The following PARP2 variants were observed in gnomAD, a reference collection of about 807,000 sequenced individuals.
PARP2 encodes the protein poly [ADP-ribose] polymerase 2.
Under a neutral mutation model 77.8 loss-of-function variants are expected in PARP2, and 57 were observed. That is an observed-to-expected ratio of 0.73 (90% CI 0.59 to 0.91). The LOEUF (loss-of-function observed/expected upper bound fraction) is 0.91. Among genes scored for constraint, PARP2 ranks in the 40% least tolerant of loss-of-function variants. The pLI is 0.00. For synonymous variants in PARP2, 226 were observed against 242.6 expected, an observed-to-expected ratio of 0.93 and a Z score of 0.64; for missense variants, 651 against 689.0, an observed-to-expected ratio of 0.94 and a Z score of 0.62.
In PARP2 at chr14:20,355,735, T is replaced by C; in HGVS notation, c.903-17T>C. ...ACATGTCAGAAAGCTCATTATGGGT[T>C]ATATCTCTGTTCTTAGACTCCGTAC... On this transcript the variant is annotated splice_polypyrimidine_tract_variant and intron_variant, in intron 9 of 15. Transcript: ENST00000429687. 1 of 1,607,894 alleles carries C rather than the reference T, an allele frequency of 6.2e-7. No individual in the cohort carries two copies. Among genetic ancestry groups the C allele is most frequent in the African/African-American group, 1.3e-5 (1 of 74,916 alleles).
rs895459962 is a variant in PARP2 at position 20,357,063 on chromosome 14, A to G, written c.1342A>G (p.Ile448Val). The change falls in exon 14 of 16, where the codon ATC (isoleucine) becomes GTC (valine). Residue 448 changes from isoleucine (I) to valine (V), a missense_variant. Coordinates refer to ENST00000429687, the MANE Select transcript of PARP2 (RefSeq NM_001042618.2). ...GTATATATTTCAGTTTGGGAAAGGA[A>G]TCTACTTTGCTGACATGTCTTCCAA... ...PITGYMFGKG[I>V]YFADMSSKSA... 2.5e-6 allele frequency: 4 copies of G among 1,608,674 alleles called. No homozygotes were observed. Among genetic ancestry groups the G allele is most frequent in the Non-Finnish European group, 2.6e-6 (3 of 1,175,104 alleles).
In PARP2 at chr14:20,354,091, G is replaced by A. The variant is rs1884055726; in HGVS notation, c.607G>A (p.Glu203Lys). The A allele has an allele frequency of 4.3e-6, 7 of 1,611,992 alleles. No individual in the cohort carries two copies. Among genetic ancestry groups the A allele is most frequent in the Admixed American group, 1.7e-5 (1 of 59,962 alleles). Reference protein sequence around the residue: ...MDYATNTQDEEETKKEESLKS... With the variant: ...MDYATNTQDEKETKKEESLKS... Reference sequence around the variant, plus strand: ...TGTTTGTTTTTTGCTATAGGATGAAGAGGAAACAAAGAAAGAGGAATCTCT... The same window carrying A: ...TGTTTGTTTTTTGCTATAGGATGAAAAGGAAACAAAGAAAGAGGAATCTCT... The change falls in exon 8 of 16, where the codon GAG becomes AAG. Residue 203 changes from glutamate to lysine, a missense_variant. By Grantham distance (56) the Glu-to-Lys change is moderately conservative. Transcript: ENST00000429687.
At chr14:20,356,186 G>A (rs747339625) in intron 11 of PARP2, 121 bp from the exon 12 acceptor site, 4 of 1,412,566 alleles carry the variant, frequency 2.8e-6, no homozygotes, top group Non-Finnish European at 2.9e-6. Flanking sequence ...TTTCCTAGCT[G>A]CCTTGTAAGA....
intron 4 of PARP2, 117 bp downstream of exon 4, chr14:20,347,030 TTTTG>T: frequency 1.5e-6 from 1 of 667,104 alleles, no homozygotes; most frequent in South Asian, 2.0e-5. Flanking sequence ...TTTTTTTAAA[TTTTG>T]TTTTTTCTTT....
In PARP2 at chr14:20,357,711, T is replaced by C; in HGVS notation, c.1627T>C (p.Tyr543His). ...ILNPDGYTLN[Y>H]NEYIVYNPNQ... ...GAATCCAGATGGTTATACCCTCAACTACAATGAATATATTGTATATAACCC... is the reference window on the plus strand; with the variant it reads ...GAATCCAGATGGTTATACCCTCAACCACAATGAATATATTGTATATAACCC... The change falls in exon 16 of 16, where the codon TAC (tyrosine) becomes CAC (histidine). Residue 543 changes from tyrosine to histidine, a missense_variant. By Grantham distance (83) the Tyr-to-His change is moderately conservative. Transcript: ENST00000429687. 6.2e-7 allele frequency: 1 copy of C among 1,613,708 alleles called. No individual in the cohort carries two copies. The highest frequency in any genetic ancestry group is 8.5e-7 in the Non-Finnish European group (1 of 1,179,562).
intron 5 of PARP2, 118 bp from the exon 6 acceptor site, chr14:20,350,929 C>G (rs1883930719): frequency 1.3e-6 from 1 of 751,642 alleles, no homozygotes; most frequent in African/African-American, 1.8e-5. Context: ...TTCCCTAAAT[C>G]CTTTCACCTT....
At chr14:20,344,838 C>A in intron 1 of PARP2, 94 bp from the exon 2 acceptor site, 2 of 881,226 alleles carry the variant, frequency 2.3e-6, no homozygotes, top group Admixed American at 2.3e-5. Flanking sequence ...AGAAAATTAT[C>A]TTAAACCATT....
Position 20,356,657 on chromosome 14 carries a change from G to A in PARP2, c.1297G>A (p.Ala433Thr), listed in dbSNP as rs1884164577. Residue 433 changes from alanine (A) to threonine (T), a missense_variant, in exon 13 of 16, where the codon GCC becomes ACC. Physicochemically the swap from Ala to Thr is moderately conservative, Grantham distance 58. Coordinates refer to ENST00000429687, the MANE Select transcript of PARP2 (RefSeq NM_001042618.2). Reference sequence around the variant, plus strand: ...AATCTTGAGCCATGGGCTTCGAATTGCCCCACCTGAAGCTCCCATCACAGG... The same window carrying A: ...AATCTTGAGCCATGGGCTTCGAATTACCCCACCTGAAGCTCCCATCACAGG... ...VGILSHGLRI[A>T]PPEAPITGYM... is the part of the protein sequence containing the mutation. 3 of 1,613,956 alleles carry A rather than the reference G, an allele frequency of 1.9e-6. No homozygotes were observed. Among genetic ancestry groups the A allele is most frequent in the Admixed American group, 1.7e-5 (1 of 60,014 alleles).
chr14:20,344,932 C>T lies in PARP2; in HGVS notation c.47C>T (p.Ala16Val). The T allele has an allele frequency of 6.2e-7, 1 of 1,609,524 alleles. No individual in the cohort carries two copies. The highest frequency in any genetic ancestry group is 8.5e-7 in the Non-Finnish European group (1 of 1,176,260). The change falls in exon 2 of 16, where the codon GCA (alanine) becomes GTA (valine). Residue 16 changes from alanine (A) to valine (V), a missense_variant and splice_region_variant. Coordinates refer to ENST00000429687, the MANE Select transcript of PARP2 (RefSeq NM_001042618.2). ...RRSTGGGRARALNESKRVNNG... is the reference protein window; with the variant it reads ...RRSTGGGRARVLNESKRVNNG... ...CTTTGCTAATTTCCAAATTCTGTAG[C>T]ATTAAATGAAAGCAAAAGAGTTAAT...
rs757074337 is a variant in PARP2 at position 20,350,522 on chromosome 14, A to G, written c.325-4A>G. ...TTTTTTGTTTTTGTTTTCACTCAACATAGACCAATCTCCAGTTCAACAACA... is the reference window on the plus strand; with the variant it reads ...TTTTTTGTTTTTGTTTTCACTCAACGTAGACCAATCTCCAGTTCAACAACA... On this transcript the variant is annotated splice_polypyrimidine_tract_variant and splice_region_variant and intron_variant, in intron 4 of 15. Transcript: ENST00000429687. The G allele has an allele frequency of 1.0e-5, 16 of 1,566,232 alleles. No homozygotes were observed. In the South Asian group the frequency reaches 1.6e-4, roughly 15 times the overall value.
intron 3 of PARP2, among the ~76,000 whole-genome samples, chr14:20,346,167 T>C (rs1883709987): frequency 6.6e-6 from 1 of 152,104 alleles, no homozygotes; most frequent in Non-Finnish European, 1.5e-5. Flanking sequence ...CTACACCTCA[T>C]TCTCTTTTTA....
At chr14:20,346,786 G>C (rs1208602516) in intron 3 of PARP2, 77 bp from the exon 4 acceptor site, 1 of 936,354 alleles carries the variant, frequency 1.1e-6, no homozygotes, top group African/African-American at 1.6e-5. Context: ...TGAGCCATAA[G>C]AAAATTTAGA....
At chr14:20,354,774 C>A in intron 8 of PARP2, 35 bp from the exon 9 acceptor site, 2 of 1,582,726 alleles carry the variant, frequency 1.3e-6, no homozygotes, top group South Asian at 1.2e-5. Flanking sequence ...AGATGGGATC[C>A]TAGTTTGGAG....
Position 20,355,742 on chromosome 14 carries a change from C to G in PARP2, c.903-10C>G. 6.2e-7 allele frequency: 1 copy of G among 1,610,994 alleles called. No homozygotes were observed. The highest frequency in any genetic ancestry group is 8.5e-7 in the Non-Finnish European group (1 of 1,177,206). On this transcript the variant is annotated splice_polypyrimidine_tract_variant and intron_variant, in intron 9 of 15. Transcript: ENST00000429687. ...AGAAAGCTCATTATGGGTTATATCTCTGTTCTTAGACTCCGTACTCCTCCA... is the reference window on the plus strand; with the variant it reads ...AGAAAGCTCATTATGGGTTATATCTGTGTTCTTAGACTCCGTACTCCTCCA...
Position 20,347,352 on chromosome 14 carries a change from GTGTGTATATATATATATATATATA to G in PARP2, c.324+441_324+464del, listed in dbSNP as rs1883770550. Among the ~76,000 whole-genome samples, 96 of 51,814 alleles carry G rather than the reference GTGTGTATATATATATATATATATA, an allele frequency of 1.9e-3. 2 individuals carry two copies. Among genetic ancestry groups the G allele is most frequent in the African/African-American group, 7.9e-3 (92 of 11,662 alleles). 34.0% of individuals were successfully genotyped at this position (51,814 alleles called of 152,430 possible). On this transcript the variant is annotated intron_variant, in intron 4 of 15. Transcript: ENST00000429687. ...CTTGCCTAAAGTCCTTCATATGTGT[GTGTGTATATATATATATATATATA>G]TATATATATATATATATATATATTT... is the stretch of plus-strand genomic sequence containing the variant.
chr14:20,357,402 C>T lies in PARP2; in HGVS notation c.1435C>T (p.Leu479=). The T allele has an allele frequency of 6.2e-7, 1 of 1,607,896 alleles. No individual in the cohort carries two copies. Among genetic ancestry groups the T allele is most frequent in the Non-Finnish European group, 8.5e-7 (1 of 1,178,018 alleles). Residue 479 remains leucine (L), a synonymous_variant, in exon 15 of 16, where the codon CTA becomes TTA. Transcript: ENST00000429687. The part of the protein sequence containing the change: ...TGLLLLSEVA[L]GQCNELLEAN... ...AAGGTTTTTTGCTTTGCAGGTAGCT[C>T]TAGGTCAGTGTAATGAACTACTAGA...
rs1264473453 is a variant in PARP2 at position 20,343,665 on chromosome 14, C to T, written c.24C>T (p.Ser8=). ...CCATGGCGGCGCGGCGGCGACGGAG[C>T]ACCGGCGGCGGCAGGGCGAGAGGTT... is the stretch of plus-strand genomic sequence containing the variant. MAARRRR[S]TGGGRARALN... The change falls in exon 1 of 16, where the codon AGC becomes AGT. Residue 8 remains serine (S), a synonymous_variant. Transcript: ENST00000429687. 2 of 1,610,520 alleles carry T rather than the reference C, an allele frequency of 1.2e-6. No homozygotes were observed. The highest frequency in any genetic ancestry group is 1.7e-6 in the Non-Finnish European group (2 of 1,179,070).
At position 20,354,684 on chromosome 14, in the gene PARP2, G is replaced by T. The variant is rs371578469; in HGVS notation, c.764-125G>T. ...CACTCAGCCTGGGCAACAGGAGTGA[G>T]ACCCCATCTTAAAAACAGGAAAAAA... On this transcript the variant is annotated intron_variant, in intron 8 of 15. Transcript: ENST00000429687. 1.4e-5 allele frequency: 13 copies of T among 919,024 alleles called. No individual in the cohort carries two copies. In the African/African-American group the frequency reaches 2.2e-4, roughly 15 times the overall value. 56.9% of individuals were successfully genotyped at this position (919,024 alleles called of 1,614,324 possible).
intron 4 of PARP2, among the ~76,000 whole-genome samples, chr14:20,347,356 GTATATATA>G (rs774986716): frequency 0.019 from 551 of 29,482 alleles, 19 homozygotes; most frequent in African/African-American, 0.052. Flanking sequence ...ATGTGTGTGT[GTATATATA>G]TATATATATA....
Sources: allele counts gnomAD v4.1 joint callset (sites outside exome capture counted in the v4.1 genomes callset), GRCh38; gene constraint gnomAD v4.1.1; transcripts MANE v1.5; gene names NCBI Gene and HGNC (gene_info 2026-07-23, HGNC 2026-07-21).